The following MDGA2 variants were observed in gnomAD, a reference collection of about 807,000 sequenced individuals.
The protein encoded by MDGA2 is MAM domain containing glycosylphosphatidylinositol anchor 2.
A neutral mutation model predicts 117.8 loss-of-function variants in MDGA2; 40 were observed. The ratio of observed to expected loss-of-function variants is 0.34; its 90% CI spans 0.26 to 0.44. The LOEUF (loss-of-function observed/expected upper bound fraction) is 0.44, where lower values mean the gene tolerates loss of function less well. Ranked by LOEUF, MDGA2 falls within the 20% of genes least tolerant of loss-of-function variation. The pLI is 1.00. For missense variants in MDGA2, 1,123 were observed against 1,250.6 expected, an observed-to-expected ratio of 0.90 and a Z score of 1.54; for synonymous variants, 452 against 439.0, an observed-to-expected ratio of 1.03 and a Z score of -0.37.
At chr14:47,111,981 TTGTC>T (rs1218531472) in intron 5 of MDGA2, among the ~76,000 whole-genome samples, 5 of 152,126 alleles carry the variant, frequency 3.3e-5, no homozygotes, top group Non-Finnish European at 5.9e-5. Flanking sequence ...AGGATGTAGA[TTGTC>T]TGACTGCAGA....
intron 14 of MDGA2, among the ~76,000 whole-genome samples, chr14:46,859,351 T>C (rs1284671428): frequency 5.3e-5 from 8 of 152,186 alleles, no homozygotes; most frequent in Admixed American, 5.2e-4. Flanking sequence ...TTTTTCTAGT[T>C]TTCTACATGT....
intron 1 of MDGA2, among the ~76,000 whole-genome samples, chr14:47,396,771 A>G (rs1454836121): frequency 6.6e-6 from 1 of 152,218 alleles, no homozygotes; most frequent in Non-Finnish European, 1.5e-5. Context: ...AATGCAAATC[A>G]AAACCACAAT....
intron 14 of MDGA2, among the ~76,000 whole-genome samples, chr14:46,866,956 A>G (rs1257144499): frequency 6.6e-6 from 1 of 152,144 alleles, no homozygotes; most frequent in African/African-American, 2.4e-5. Flanking sequence ...ACTGTAAACT[A>G]GTTCAACCAT....
intron 16 of MDGA2, among the ~76,000 whole-genome samples, chr14:46,842,429 C>T (rs1880654412): frequency 6.6e-6 from 1 of 151,736 alleles, no homozygotes; most frequent in Admixed American, 6.6e-5. Flanking sequence ...GAAAGAAAAT[C>T]TATCTTAATG....
chr14:47,348,501 C>T (rs909780109), intron 1 of MDGA2, among the ~76,000 whole-genome samples: 3 of 152,084 alleles, frequency 2.0e-5, no homozygotes, highest in Non-Finnish European at 2.9e-5. Context: ...CATGAGCTAC[C>T]GCATCAGGCC....
intron 1 of MDGA2, among the ~76,000 whole-genome samples, chr14:47,442,764 C>G (rs111333874): frequency 7.0e-4 from 107 of 152,244 alleles, no homozygotes; most frequent in African/African-American, 2.5e-3. Flanking sequence ...GTTTTGCTTT[C>G]TGCAATTTCA....
intron 7 of MDGA2, chr14:47,059,263 A>G: frequency 8.6e-7 from 1 of 1,165,090 alleles, no homozygotes; most frequent in Non-Finnish European, 1.1e-6. Context: ...AAAGTCTCAG[A>G]CTTTGTAGAG....
intron 1 of MDGA2, among the ~76,000 whole-genome samples, chr14:47,411,617 A>T (rs1057216595): frequency 6.6e-6 from 1 of 152,200 alleles, no homozygotes; most frequent in Non-Finnish European, 1.5e-5. Context: ...GGACCAGAAG[A>T]TAGGAAAATA....
At position 47,284,546 on chromosome 14, in the gene MDGA2, A is replaced by G. The variant is rs148721274; in HGVS notation, c.420+16865T>C. Among the ~76,000 whole-genome samples, 15 of 152,196 alleles carry G rather than the reference A, an allele frequency of 9.9e-5. No individual in the cohort carries two copies. In the East Asian group the frequency reaches 2.7e-3, roughly 27 times the overall value. ...GAAAGTTTTTGCTTGTCAACCTGAT[A>G]CTATTTGGTTTCTTGGTTGACTTGC... On this transcript the variant is annotated intron_variant, in intron 2 of 16. Transcript: ENST00000399232.
intron 2 of MDGA2, among the ~76,000 whole-genome samples, chr14:47,231,742 C>A (rs1472867853): frequency 2.9e-4 from 40 of 139,162 alleles, no homozygotes; most frequent in African/African-American, 9.6e-4. Context: ...AAAAATTGAA[C>A]CTTCGTGTTG....
intron 1 of MDGA2, among the ~76,000 whole-genome samples, chr14:47,446,160 T>C (rs1167099593): frequency 2.6e-5 from 4 of 152,164 alleles, no homozygotes; most frequent in Non-Finnish European, 5.9e-5. Flanking sequence ...TGTGTAATTA[T>C]TAAAGACGAA....
In MDGA2 at chr14:47,244,659, T is replaced by A. The variant is rs975055311; in HGVS notation, c.421-26464A>T. ...ATAGAGTCAGCCTTTATGGCAAACA[T>A]ATTGTTGTCTAGGTTATAGTACACA... On this transcript the variant is annotated intron_variant, in intron 2 of 16. Coordinates refer to ENST00000399232, the MANE Select transcript of MDGA2 (RefSeq NM_001113498.3). 4.6e-5 allele frequency among the ~76,000 whole-genome samples: 7 copies of A among 151,960 alleles called. No individual in the cohort carries two copies. The South Asian group carries it at 1.5e-3, about 32-fold the overall frequency.
chr14:47,000,375 A>T (rs952052469), intron 8 of MDGA2, among the ~76,000 whole-genome samples: 1 of 86,994 alleles, frequency 1.1e-5, no homozygotes, highest in African/African-American at 5.6e-5. Context: ...GTATATATAT[A>T]TTTATATATA....
At chr14:47,558,507 T>C (rs994543292) in intron 1 of MDGA2, among the ~76,000 whole-genome samples, 20 of 152,160 alleles carry the variant, frequency 1.3e-4, no homozygotes, top group African/African-American at 4.6e-4. Flanking sequence ...AAATAATAAG[T>C]AAACATCTCT....
chr14:47,291,472 C>T (rs1180847132), intron 2 of MDGA2, among the ~76,000 whole-genome samples: 1 of 150,776 alleles, frequency 6.6e-6, no homozygotes, highest in Non-Finnish European at 1.5e-5. Flanking sequence ...ATGGGGTTAT[C>T]TCCTGATAAC....
At chr14:47,629,244 TAGA>T (rs1172515165) in intron 1 of MDGA2, among the ~76,000 whole-genome samples, 1 of 152,210 alleles carries the variant, frequency 6.6e-6, no homozygotes, top group African/African-American at 2.4e-5. Context: ...AATAAGTTAC[TAGA>T]AGGACAGCAT....
intron 1 of MDGA2, among the ~76,000 whole-genome samples, chr14:47,637,747 G>C (rs566590291): frequency 6.6e-6 from 1 of 152,312 alleles, no homozygotes; most frequent in South Asian, 2.1e-4. Context: ...TTAGTTTTTA[G>C]ATAGTGTCAA....
chr14:47,154,468 C>T (rs1206225201), intron 3 of MDGA2, among the ~76,000 whole-genome samples: 1 of 152,126 alleles, frequency 6.6e-6, no homozygotes, highest in Non-Finnish European at 1.5e-5. Flanking sequence ...GCCACCCAGC[C>T]GCAGCAGTGG....
chr14:46,913,829 G>A (rs866594517), intron 10 of MDGA2, among the ~76,000 whole-genome samples: 9 of 151,966 alleles, frequency 5.9e-5, no homozygotes, highest in African/African-American at 1.2e-4. Flanking sequence ...TTTATAAGAC[G>A]TTGAGGACAA....
Sources: allele counts gnomAD v4.1 joint callset (sites outside exome capture counted in the v4.1 genomes callset), GRCh38; gene constraint gnomAD v4.1.1; transcripts MANE v1.5; gene names NCBI Gene and HGNC (gene_info 2026-07-23, HGNC 2026-07-21).